Variants in GRM8 observed in about 807,000 individuals in gnomAD.
The protein encoded by GRM8 is metabotropic glutamate receptor 8.
Under a neutral mutation model 87.2 loss-of-function variants are expected in GRM8, and 47 were observed. That is an observed-to-expected ratio of 0.54 (90% confidence interval 0.43 to 0.69). The LOEUF is 0.69. GRM8 is among the 30% of genes least tolerant of loss of function. The probability of loss-of-function intolerance (pLI) is 0.00; values close to 1 mark genes in which losing one functional copy is unlikely to be tolerated. For missense variants in GRM8, 1,019 were observed against 1,139.2 expected (o/e 0.89, Z 1.52); for synonymous variants, 396 against 404.5 (o/e 0.98, Z 0.25).
chr7:127,015,274 G>C (rs1449921902), intron 3 of GRM8, among the ~76,000 whole-genome samples: 1 of 151,040 alleles, frequency 6.6e-6, no homozygotes, highest in African/African-American at 2.4e-5. Flanking sequence ...GAGAGAGAGA[G>C]AGAGAGAGAG....
intron 7 of GRM8, among the ~76,000 whole-genome samples, chr7:126,711,290 A>G (rs573399672): frequency 6.6e-6 from 1 of 152,238 alleles, no homozygotes; most frequent in Non-Finnish European, 1.5e-5. Context: ...AAACAACATT[A>G]AAGTCCTTGT....
intron 3 of GRM8, among the ~76,000 whole-genome samples, chr7:127,019,877 A>G (rs529575257): frequency 6.6e-6 from 1 of 151,796 alleles, no homozygotes; most frequent in South Asian, 2.1e-4. Context: ...AAACACAATG[A>G]GCACAAAGGC....
At chr7:126,861,466 T>C (rs924432997) in intron 6 of GRM8, among the ~76,000 whole-genome samples, 2 of 152,094 alleles carry the variant, frequency 1.3e-5, no homozygotes, top group Non-Finnish European at 2.9e-5. Context: ...TAGATATTGC[T>C]AAACTGCCCT....
intron 6 of GRM8, among the ~76,000 whole-genome samples, chr7:126,847,683 A>G (rs887047410): frequency 6.6e-6 from 1 of 152,166 alleles, no homozygotes; most frequent in African/African-American, 2.4e-5. Flanking sequence ...ACATGAGCCC[A>G]AGAGAGAGAA....
intron 8 of GRM8, among the ~76,000 whole-genome samples, chr7:126,534,275 C>T (rs900691095): frequency 1.3e-5 from 2 of 152,146 alleles, no homozygotes; most frequent in African/African-American, 2.4e-5. Context: ...CCCTGAAACA[C>T]TGGGCTAGGA....
intron 6 of GRM8, among the ~76,000 whole-genome samples, chr7:126,807,235 G>A (rs763599354): frequency 8.5e-5 from 13 of 152,062 alleles, no homozygotes; most frequent in South Asian, 8.3e-4. Context: ...CATTGCAGTC[G>A]TAACTCTTGA....
intron 1 of GRM8, among the ~76,000 whole-genome samples, chr7:127,245,735 T>A (rs1351059785): frequency 2.6e-5 from 4 of 152,248 alleles, no homozygotes; most frequent in Admixed American, 2.6e-4. Flanking sequence ...AATGGAAAAC[T>A]AGAGGTTCAG....
At chr7:126,868,581 A>G (rs966328651) in intron 6 of GRM8, among the ~76,000 whole-genome samples, 2 of 152,242 alleles carry the variant, frequency 1.3e-5, no homozygotes, top group African/African-American at 2.4e-5. Flanking sequence ...GTATATACAC[A>G]TAACTCAGAG....
At chr7:126,733,583 T>C (rs1259105240) in intron 7 of GRM8, among the ~76,000 whole-genome samples, 3 of 151,466 alleles carry the variant, frequency 2.0e-5, no homozygotes, top group Non-Finnish European at 4.4e-5. Context: ...TTAAAAACAA[T>C]ATACAGTATC....
At chr7:126,643,988 T>C (rs1183907842) in intron 7 of GRM8, among the ~76,000 whole-genome samples, 1 of 152,238 alleles carries the variant, frequency 6.6e-6, no homozygotes, top group Non-Finnish European at 1.5e-5. Context: ...TAAAATCATT[T>C]GAATAAATGT....
chr7:127,111,087 G>C (rs2133122005), intron 2 of GRM8: 1 of 152,316 alleles, frequency 6.6e-6, no homozygotes, highest in African/African-American at 2.4e-5. Flanking sequence ...TGGGTCCCAA[G>C]GTTGAGATAT....
At chr7:127,015,037 G>C (rs1303131005) in intron 3 of GRM8, among the ~76,000 whole-genome samples, 1 of 122,140 alleles carries the variant, frequency 8.2e-6, no homozygotes, top group East Asian at 2.3e-4. Context: ...AGAAGAAGAA[G>C]AAGAAGAAGA....
chr7:127,064,758 A>G (rs1256575782), intron 3 of GRM8, among the ~76,000 whole-genome samples: 1 of 152,218 alleles, frequency 6.6e-6, no homozygotes, highest in Non-Finnish European at 1.5e-5. Flanking sequence ...CAACAAGGAT[A>G]TGAAAAAAAG....
intron 7 of GRM8, among the ~76,000 whole-genome samples, chr7:126,686,299 G>A (rs12667118): frequency 0.061 from 9,276 of 152,178 alleles, 576 homozygotes; most frequent in East Asian, 0.32. Context: ...CCTGGACTCA[G>A]GACAAGACCT....
chr7:126,737,692 T>C (rs929748073), intron 7 of GRM8, among the ~76,000 whole-genome samples: 14 of 152,040 alleles, frequency 9.2e-5, no homozygotes, highest in African/African-American at 2.7e-4. Flanking sequence ...CAAATGACCA[T>C]TAAGTTTTTC....
At chr7:126,878,519 C>CTTTTT (rs35669727) in intron 6 of GRM8, among the ~76,000 whole-genome samples, 1 of 131,056 alleles carries the variant, frequency 7.6e-6, no homozygotes, top group East Asian at 2.3e-4. Flanking sequence ...TCGTCTTCTT[C>CTTTTT]TTTTTTTTTT....
Position 127,103,726 on chromosome 7 carries a change from CTG to C in GRM8, c.727+2768_727+2769del, listed in dbSNP as rs1433118477. 3.3e-5 allele frequency among the ~76,000 whole-genome samples: 5 copies of C among 152,286 alleles called. No homozygotes were observed. The Middle Eastern group carries it at 0.014, about 414-fold the overall frequency. The stretch of plus-strand genomic sequence containing the variant: ...ACAAACTATGCTCCAGTCAGAAAAA[CTG>C]TGCTATTTGCTGATACCAAATATGT... On this transcript the variant is annotated intron_variant, in intron 3 of 10. Coordinates refer to ENST00000339582, the MANE Select transcript of GRM8 (RefSeq NM_000845.3).
chr7:126,708,498 T>C (rs1245165618), intron 7 of GRM8, among the ~76,000 whole-genome samples: 1 of 151,182 alleles, frequency 6.6e-6, no homozygotes, highest in Admixed American at 6.6e-5. Flanking sequence ...ATGGATGAAA[T>C]GGATGAAGAA....
intron 7 of GRM8, among the ~76,000 whole-genome samples, chr7:126,711,958 A>G (rs1297949300): frequency 6.6e-6 from 1 of 152,212 alleles, no homozygotes; most frequent in Non-Finnish European, 1.5e-5. Flanking sequence ...AAACTTTATA[A>G]GCAATAAGAC....
Sources: gnomAD v4.1 joint callset for allele counts (sites outside exome capture counted in the v4.1 genomes callset) on GRCh38, gnomAD v4.1.1 for gene constraint, MANE v1.5 for transcripts, NCBI Gene and HGNC (gene_info 2026-07-23, HGNC 2026-07-21) for gene names.